Variants in BMPER observed in about 807,000 individuals in gnomAD.
BMPER encodes the protein BMP binding endothelial regulator, also known as BMP-binding endothelial regulator protein.
In BMPER, 45 loss-of-function variants were observed where a neutral mutation model predicts 87.3. The ratio of observed to expected loss-of-function variants is 0.52; its 90% CI spans 0.41 to 0.66. The LOEUF is 0.66. Among genes scored for constraint, BMPER ranks in the 30% least tolerant of loss-of-function variants. The probability of loss-of-function intolerance (pLI) is 0.00; values close to 1 mark genes in which losing one functional copy is unlikely to be tolerated. For synonymous variants in BMPER, 326 were observed against 316.2 expected (o/e 1.03, Z -0.33); for missense variants, 784 against 867.5 (o/e 0.90, Z 1.21).
chr7:34,046,159 C>T (rs190986424), intron 6 of BMPER, 147 bp from the exon 7 acceptor site: 219 of 765,026 alleles, frequency 2.9e-4, no homozygotes, highest in South Asian at 5.9e-4. Context: ...GATCAAAGGA[C>T]GCTTGGGGAA....
At chr7:33,977,973 T>C (rs1024449992) in intron 6 of BMPER, among the ~76,000 whole-genome samples, 5 of 152,090 alleles carry the variant, frequency 3.3e-5, no homozygotes, top group Middle Eastern at 3.2e-3. Context: ...GAGACAAGGA[T>C]GAAGAAGCAG....
chr7:34,125,312 C>T (rs992538500), intron 13 of BMPER, among the ~76,000 whole-genome samples: 1 of 152,174 alleles, frequency 6.6e-6, no homozygotes, highest in African/African-American at 2.4e-5. Flanking sequence ...TCATGCAAAA[C>T]TCTGACCATT....
Position 33,913,384 on chromosome 7 carries a change from CAT to C in BMPER, c.219+6482_219+6483del, listed in dbSNP as rs1784007273. ...GCCATTTAATATTTTTGTGCAAACA[CAT>C]GACACAATAAAATAAATTTTATATA... On this transcript the variant is annotated intron_variant, in intron 2 of 14. Transcript: ENST00000649409. Among the ~76,000 whole-genome samples, 3 of 152,306 alleles carry C rather than the reference CAT, an allele frequency of 2.0e-5. No individual in the cohort carries two copies. The South Asian group carries it at 6.2e-4, about 32-fold the overall frequency.
In BMPER at chr7:34,154,290, T is replaced by C. The variant is rs1791258969; in HGVS notation, c.*1017T>C. 2 of 152,286 alleles carry C rather than the reference T, an allele frequency of 1.3e-5. No individual in the cohort carries two copies. Among genetic ancestry groups the C allele is most frequent in the Admixed American group, 1.3e-4 (2 of 15,284 alleles). The allele number at this position is 152,286 out of a possible 1,614,324, so 9.4% of individuals were successfully genotyped here. ...AATTATTAGACAGTGGAAAAGCCTT[T>C]ATTGACTAATTGATTTAACCTCAGT... On this transcript the variant is annotated 3_prime_UTR_variant, in exon 15 of 15. Coordinates refer to ENST00000649409, the MANE Select transcript of BMPER (RefSeq NM_001365308.1).
At chr7:33,973,751 T>G (rs1265006766) in intron 5 of BMPER, among the ~76,000 whole-genome samples, 2 of 152,204 alleles carry the variant, frequency 1.3e-5, no homozygotes, top group African/African-American at 4.8e-5. Context: ...CCGTCTTCCA[T>G]GGAGAAAGTG....
chr7:33,910,421 C>T (rs1244171805), intron 2 of BMPER, among the ~76,000 whole-genome samples: 1 of 152,186 alleles, frequency 6.6e-6, no homozygotes, highest in Non-Finnish European at 1.5e-5. Flanking sequence ...ATCCCTAGGT[C>T]CACCAAGCAC....
intron 11 of BMPER, among the ~76,000 whole-genome samples, chr7:34,076,376 C>T (rs1788865763): frequency 6.6e-6 from 1 of 152,198 alleles, no homozygotes; most frequent in South Asian, 2.1e-4. Flanking sequence ...TATGGCTCTT[C>T]CATCAAGGAA....
chr7:33,959,096 C>T (rs750975471), intron 3 of BMPER, among the ~76,000 whole-genome samples: 21 of 152,304 alleles, frequency 1.4e-4, no homozygotes, highest in Non-Finnish European at 2.5e-4. Context: ...CCCTGTGGAA[C>T]TGTGAGTCCA....
At chr7:33,996,724 G>A (rs901225456) in intron 6 of BMPER, among the ~76,000 whole-genome samples, 1 of 151,976 alleles carries the variant, frequency 6.6e-6, no homozygotes, top group Non-Finnish European at 1.5e-5. Context: ...TTAAAAAGTT[G>A]AATTAATTTT....
At chr7:34,086,162 G>C in intron 13 of BMPER, 70 bp downstream of exon 13, 1 of 1,522,638 alleles carries the variant, frequency 6.6e-7, no homozygotes, top group Non-Finnish European at 9.0e-7. Context: ...GGAACATGGT[G>C]TATGAAATCT....
At chr7:34,110,469 T>C (rs1233584137) in intron 13 of BMPER, among the ~76,000 whole-genome samples, 1 of 152,164 alleles carries the variant, frequency 6.6e-6, no homozygotes, top group Non-Finnish European at 1.5e-5. Context: ...CTCCAGAGGG[T>C]TCAGGAAAGG....
chr7:34,101,464 A>C (rs1369380745), intron 13 of BMPER, among the ~76,000 whole-genome samples: 1 of 152,236 alleles, frequency 6.6e-6, no homozygotes, highest in Non-Finnish European at 1.5e-5. Flanking sequence ...ATTTTTAAAT[A>C]ATCACTGGAT....
chr7:34,103,901 A>G (rs1399610383), intron 13 of BMPER, among the ~76,000 whole-genome samples: 1 of 152,174 alleles, frequency 6.6e-6, no homozygotes, highest in Non-Finnish European at 1.5e-5. Context: ...TATCCTCTCC[A>G]TGTTCAGAAG....
intron 6 of BMPER, among the ~76,000 whole-genome samples, chr7:34,031,136 G>A (rs892234134): frequency 2.0e-5 from 3 of 152,080 alleles, no homozygotes; most frequent in African/African-American, 7.2e-5. Context: ...GACCTCAGAT[G>A]GATTGTGGTT....
Position 34,116,990 on chromosome 7 carries a change from C to T in BMPER, c.1746-26240C>T, listed in dbSNP as rs897824022. Among the ~76,000 whole-genome samples the T allele has an allele frequency of 4.2e-5, 6 of 143,102 alleles. No individual in the cohort carries two copies. The East Asian group carries it at 8.1e-4, about 19-fold the overall frequency. The allele number at this position is 143,102 out of a possible 152,430, so 93.9% of individuals were successfully genotyped here. Reference sequence around the variant, plus strand: ...GGGTGACAAAGGGAGACCCTGTCTCCGAAAAAAAAAAAAGAAAAGAAAAAA... The same window carrying T: ...GGGTGACAAAGGGAGACCCTGTCTCTGAAAAAAAAAAAAGAAAAGAAAAAA... On this transcript the variant is annotated intron_variant, in intron 13 of 14. Transcript: ENST00000649409.
At chr7:34,083,102 C>T (rs948822494) in intron 12 of BMPER, among the ~76,000 whole-genome samples, 1 of 152,182 alleles carries the variant, frequency 6.6e-6, no homozygotes. Flanking sequence ...CTCACAATGT[C>T]TTTGGCTTCA....
At chr7:34,118,573 G>C (rs144615162) in intron 13 of BMPER, among the ~76,000 whole-genome samples, 1 of 152,044 alleles carries the variant, frequency 6.6e-6, no homozygotes, top group Non-Finnish European at 1.5e-5. Flanking sequence ...CATGTATGTG[G>C]TTTTCAAGGA....
At chr7:34,007,600 G>A (rs576788095) in intron 6 of BMPER, among the ~76,000 whole-genome samples, 1 of 151,908 alleles carries the variant, frequency 6.6e-6, no homozygotes, top group Non-Finnish European at 1.5e-5. Context: ...CATCTTGGAT[G>A]TTGTTCCAAA....
intron 6 of BMPER, among the ~76,000 whole-genome samples, chr7:34,043,586 C>T (rs1471542442): frequency 6.6e-6 from 1 of 152,108 alleles, no homozygotes; most frequent in Admixed American, 6.5e-5. Context: ...TGAACTTTAT[C>T]CTGGATGAAG....
Sources: gnomAD v4.1 joint callset for allele counts (sites outside exome capture counted in the v4.1 genomes callset) on GRCh38, gnomAD v4.1.1 for gene constraint, MANE v1.5 for transcripts, NCBI Gene and HGNC (gene_info 2026-07-23, HGNC 2026-07-21) for gene names.